Variants in NAP1L4 observed in about 807,000 individuals in gnomAD.
NAP1L4 encodes nucleosome assembly protein 1 like 4, also known as nucleosome assembly protein 1-like 4.
Under a neutral mutation model 58.2 loss-of-function variants are expected in NAP1L4, and 15 were observed. The observed-to-expected ratio is 0.26, with a 90% CI of 0.17 to 0.40. NAP1L4 has a LOEUF of 0.40. Ranked by LOEUF, NAP1L4 falls within the 10% of genes least tolerant of loss-of-function variation. NAP1L4 has a pLI of 1.00. For synonymous variants in NAP1L4, 171 were observed against 155.6 expected, an observed-to-expected ratio of 1.10 and a Z score of -0.74; for missense variants, 384 against 451.1, an observed-to-expected ratio of 0.85 and a Z score of 1.35.
chr11:2,945,435 A>G lies in NAP1L4; in HGVS notation c.*244T>C. ...AAATGCATTTCAGTTGCCACTGTAC[A>G]AGTTAAGCAAAATAATAAGGAAAAA... On this transcript the variant is annotated 3_prime_UTR_variant, in exon 16 of 16. Transcript: ENST00000380542. 1 of 633,466 alleles carries G rather than the reference A, an allele frequency of 1.6e-6. No individual in the cohort carries two copies. Among genetic ancestry groups the G allele is most frequent in the Non-Finnish European group, 2.7e-6 (1 of 370,082 alleles). The allele number at this position is 633,466 out of a possible 1,614,324, so 39.2% of individuals were successfully genotyped here.
intron 4 of NAP1L4, among the ~76,000 whole-genome samples, chr11:2,974,513 A>G (rs925442356): frequency 6.6e-6 from 1 of 152,126 alleles, no homozygotes; most frequent in Non-Finnish European, 1.5e-5. Flanking sequence ...CCATCCCATC[A>G]ATCTAGTCTG....
chr11:2,983,967 CAG>C (rs888791904), intron 1 of NAP1L4, among the ~76,000 whole-genome samples: 3 of 147,394 alleles, frequency 2.0e-5, no homozygotes, highest in Admixed American at 6.9e-5. Flanking sequence ...GCCTGGGAGA[CAG>C]AGTGAGACTG....
chr11:2,945,596 C>G lies in NAP1L4; in HGVS notation c.*83G>C. ...CCCGACAGCCGGTCTGCCAGGCACC[C>G]GCCTCCGCTTCCTACTGCTGCTTGC... On this transcript the variant is annotated 3_prime_UTR_variant, in exon 16 of 16. Coordinates refer to ENST00000380542, the MANE Select transcript of NAP1L4 (RefSeq NM_005969.4). 6.5e-7 allele frequency: 1 copy of G among 1,535,908 alleles called. No individual in the cohort carries two copies. Among genetic ancestry groups the G allele is most frequent in the African/African-American group, 1.4e-5 (1 of 73,132 alleles).
intron 2 of NAP1L4, 66 bp downstream of exon 2, chr11:2,979,141 A>T (rs2133996909): frequency 6.7e-7 from 1 of 1,486,732 alleles, no homozygotes; most frequent in Non-Finnish European, 9.3e-7. Context: ...TTTATTGAAA[A>T]ATGGCTTGGC....
intron 3 of NAP1L4, among the ~76,000 whole-genome samples, chr11:2,976,724 C>T (rs1344243452): frequency 6.6e-6 from 1 of 152,234 alleles, no homozygotes; most frequent in Non-Finnish European, 1.5e-5. Context: ...GGCTAACCTA[C>T]ATGTGTAGTG....
At chr11:2,982,750 T>C (rs1848400786) in intron 1 of NAP1L4, among the ~76,000 whole-genome samples, 1 of 152,190 alleles carries the variant, frequency 6.6e-6, no homozygotes, top group Non-Finnish European at 1.5e-5. Flanking sequence ...AGGCTGGGCC[T>C]GGGGGCTAAC....
chr11:2,969,703 A>T, intron 7 of NAP1L4, 100 bp downstream of exon 7: 1 of 1,369,128 alleles, frequency 7.3e-7, no homozygotes, highest in Non-Finnish European at 9.8e-7. Flanking sequence ...CCCACTATGA[A>T]CAATCTTTCA....
chr11:2,951,064 AGTAT>A lies in NAP1L4; in HGVS notation c.1122+191_1122+194del. On this transcript the variant is annotated intron_variant, in intron 14 of 15. Coordinates refer to ENST00000380542, the MANE Select transcript of NAP1L4 (RefSeq NM_005969.4). This position sits in a 1 kb window ranked among gnomAD's most constrained non-coding sequence, Gnocchi z 4.0. ...GAGACAGCTGGAAAAGCTTCTACTGAGTATGTACACTCAACACTCAAATTATAGA... is the reference window on the plus strand; with the variant it reads ...GAGACAGCTGGAAAAGCTTCTACTGAGTACACTCAACACTCAAATTATAGA... The A allele has an allele frequency of 1.7e-6, 1 of 585,794 alleles. No individual in the cohort carries two copies. Among genetic ancestry groups the A allele is most frequent in the Non-Finnish European group, 3.0e-6 (1 of 331,612 alleles). 36.3% of individuals were successfully genotyped at this position (585,794 alleles called of 1,614,324 possible). A position where few individuals can be genotyped will look rare whatever the true frequency, so the allele number is the denominator to read the frequency against.
chr11:2,986,353 G>A (rs1404813172), intron 1 of NAP1L4, among the ~76,000 whole-genome samples: 9 of 141,256 alleles, frequency 6.4e-5, no homozygotes, highest in African/African-American at 2.1e-4. Flanking sequence ...CAGTCTGGGC[G>A]ACAGAGCCAG....
Position 2,972,123 on chromosome 11 carries a change from T to G in NAP1L4, c.294A>C (p.Leu98=). The change falls in exon 5 of 16, where the codon CTA becomes CTC. Residue 98 remains leucine, a synonymous_variant. Coordinates refer to ENST00000380542, the MANE Select transcript of NAP1L4 (RefSeq NM_005969.4). ...VHDLERKYAA[L]YQPLFDKRRE... ...CTACCTTGTCAAAGAGAGGCTGGTA[T>G]AGCGCTGCATACTTTCTTTCCAAGT... 1 of 1,589,678 alleles carries G rather than the reference T, an allele frequency of 6.3e-7. No homozygotes were observed. The highest frequency in any genetic ancestry group is 1.2e-5 in the South Asian group (1 of 86,632).
At position 2,957,250 on chromosome 11, in the gene NAP1L4, T is replaced by A. The variant is rs532794724; in HGVS notation, c.892+1149A>T. Among the ~76,000 whole-genome samples the A allele has an allele frequency of 1.3e-4, 20 of 152,314 alleles. No individual in the cohort carries two copies. The East Asian group carries it at 2.3e-3, about 18-fold the overall frequency. On this transcript the variant is annotated intron_variant, in intron 10 of 15. Transcript: ENST00000380542. ...CAATCTCCAGTATGCCCAACCCAAG[T>A]GTCTAAAAGGAATCTTCCAAAAAAA...
Position 2,984,870 on chromosome 11 carries a change from C to A in NAP1L4, c.-17-5633G>T, listed in dbSNP as rs191596304. On this transcript the variant is annotated intron_variant, in intron 1 of 15. Coordinates refer to ENST00000380542, the MANE Select transcript of NAP1L4 (RefSeq NM_005969.4). Reference sequence around the variant, plus strand: ...CTACATCTATTCCTTGATATGAAACCAACAAATCAAGTTACTTTAAACACT... The same window carrying A: ...CTACATCTATTCCTTGATATGAAACAAACAAATCAAGTTACTTTAAACACT... Among the ~76,000 whole-genome samples the A allele has an allele frequency of 2.0e-5, 3 of 151,780 alleles. No individual in the cohort carries two copies. The East Asian group carries it at 5.8e-4, about 29-fold the overall frequency.
Position 2,945,523 on chromosome 11 carries a change from G to T in NAP1L4, c.*156C>A. 2.5e-6 allele frequency: 3 copies of T among 1,181,390 alleles called. No individual in the cohort carries two copies. The highest frequency in any genetic ancestry group is 2.8e-5 in the South Asian group (2 of 72,726). The allele number at this position is 1,181,390 out of a possible 1,614,324, so 73.2% of individuals were successfully genotyped here. A position where few individuals can be genotyped will look rare whatever the true frequency, so the allele number is the denominator to read the frequency against. ...GTTAGATGGAGTAAGCTCTGTCCAC[G>T]GGATTGTGCTGCGGCAAGGACCGAG... On this transcript the variant is annotated 3_prime_UTR_variant, in exon 16 of 16. Transcript: ENST00000380542.
intron 4 of NAP1L4, among the ~76,000 whole-genome samples, chr11:2,974,054 T>C (rs1202008552): frequency 4.6e-5 from 7 of 152,216 alleles, no homozygotes; most frequent in Non-Finnish European, 7.3e-5. Flanking sequence ...AGGTGTGAGC[T>C]ACCATGCCTG....
Position 2,946,489 on chromosome 11 carries a change from G to T in NAP1L4, c.*33-843C>A, listed in dbSNP as rs190808106. 1.3e-5 allele frequency among the ~76,000 whole-genome samples: 2 copies of T among 152,250 alleles called. No homozygotes were observed. The highest frequency in any genetic ancestry group is 3.9e-4 in the East Asian group (2 of 5,184). On this transcript the variant is annotated intron_variant, in intron 15 of 15. Coordinates refer to ENST00000380542, the MANE Select transcript of NAP1L4 (RefSeq NM_005969.4). The surrounding 1 kb of genome is among the most constrained non-coding windows in gnomAD (Gnocchi z 4.8). The stretch of plus-strand genomic sequence containing the variant: ...AATGCTTCTGCGCTAGTAACTTTAC[G>T]AACCTGTAACCTATGATTTCTGGCT...
chr11:2,969,662 T>C, intron 7 of NAP1L4, 141 bp downstream of exon 7: 1 of 798,220 alleles, frequency 1.3e-6, no homozygotes, highest in Non-Finnish European at 1.8e-6. Context: ...ACTGCTCATC[T>C]GAGGTCCTGG....
Position 2,949,460 on chromosome 11 carries a change from C to T in NAP1L4, c.1123-196G>A, listed in dbSNP as rs780306352. Among the ~76,000 whole-genome samples, 48 of 152,224 alleles carry T rather than the reference C, an allele frequency of 3.2e-4. 1 individual carries two copies. The highest frequency in any genetic ancestry group is 1.2e-4 in the Non-Finnish European group (8 of 68,048). On this transcript the variant is annotated intron_variant, in intron 14 of 15. Coordinates refer to ENST00000380542, the MANE Select transcript of NAP1L4 (RefSeq NM_005969.4). This position sits in a 1 kb window ranked among gnomAD's most constrained non-coding sequence, Gnocchi z 4.0. ...CATGATTTTCACTTCTATCAGACTG[C>T]TCCCAATACTAAAACCTCCCTTCCT...
intron 8 of NAP1L4, 81 bp downstream of exon 8, chr11:2,964,599 T>A (rs764444883): frequency 7.4e-6 from 9 of 1,211,744 alleles, no homozygotes; most frequent in Non-Finnish European, 1.1e-5. Flanking sequence ...TTTGTGGGTT[T>A]CTTGCCCCTG....
Position 2,955,876 on chromosome 11 carries a change from C to A in NAP1L4, c.893-110G>T. The A allele has an allele frequency of 1.0e-6, 1 of 1,000,364 alleles. No homozygotes were observed. Among genetic ancestry groups the A allele is most frequent in the Non-Finnish European group, 1.5e-6 (1 of 665,754 alleles). 62.0% of individuals were successfully genotyped at this position (1,000,364 alleles called of 1,614,324 possible). A position where few individuals can be genotyped will look rare whatever the true frequency, so the allele number is the denominator to read the frequency against. On this transcript the variant is annotated intron_variant, in intron 10 of 15. Transcript: ENST00000380542. The surrounding 1 kb of genome is among the most constrained non-coding windows in gnomAD (Gnocchi z 4.2). ...GTAGATAAAATGTAACATTTCTCAC[C>A]TCGAGGTTTAACAGAAATCCCCAAA...
Sources: gnomAD v4.1 joint callset for allele counts (sites outside exome capture counted in the v4.1 genomes callset) on GRCh38, gnomAD v4.1.1 for gene constraint, Gnocchi (gnomAD v3.1) non-coding constraint, MANE v1.5 for transcripts, NCBI Gene and HGNC (gene_info 2026-07-23, HGNC 2026-07-21) for gene names.